The following NCAM1 variants were observed in gnomAD, a reference collection of about 807,000 sequenced individuals.
NCAM1 encodes antigen recognized by monoclonal antibody 5.1H11.
A neutral mutation model predicts 109.8 loss-of-function variants in NCAM1; 14 were observed. The observed-to-expected ratio is 0.13, with a 90% CI of 0.08 to 0.20. The LOEUF (loss-of-function observed/expected upper bound fraction) is 0.20. Ranked by LOEUF, NCAM1 falls within the 10% of genes least tolerant of loss-of-function variation. NCAM1 has a pLI of 1.00. For synonymous variants in NCAM1, 418 were observed against 442.9 expected (o/e 0.94, Z 0.70); for missense variants, 774 against 1,109.9 (o/e 0.70, Z 4.30).
chr11:113,081,661 G>A (rs1176789210), intron 1 of NCAM1, among the ~76,000 whole-genome samples: 1 of 151,894 alleles, frequency 6.6e-6, no homozygotes, highest in Non-Finnish European at 1.5e-5. Flanking sequence ...AGCCTCTCAA[G>A]TAGCTGAGAT....
Position 113,029,280 on chromosome 11 carries a change from T to C in NCAM1, c.52+67616T>C, listed in dbSNP as rs530558003. Among the ~76,000 whole-genome samples the C allele has an allele frequency of 2.9e-4, 44 of 152,222 alleles. No individual in the cohort carries two copies. In the South Asian group the frequency reaches 3.5e-3, roughly 12 times the overall value. On this transcript the variant is annotated intron_variant, in intron 1 of 19. Transcript: ENST00000316851. ...AAGGAGGTGAGGAATTCAGGAAAAA[T>C]CTATCTACAGATAGTGGTGAAATAT...
At chr11:113,199,845 A>C (rs1555111574) in intron 1 of NCAM1, among the ~76,000 whole-genome samples, 2 of 151,398 alleles carry the variant, frequency 1.3e-5, no homozygotes, top group African/African-American at 2.4e-5. Context: ...AAAAAAAAAA[A>C]AAAACTTCTG....
chr11:112,993,855 A>G (rs1951527444), intron 1 of NCAM1, among the ~76,000 whole-genome samples: 1 of 152,124 alleles, frequency 6.6e-6, no homozygotes, highest in African/African-American at 2.4e-5. Flanking sequence ...TTGTCTGCCT[A>G]TGTGACCTTC....
chr11:113,010,539 G>A (rs1488107341), intron 1 of NCAM1, among the ~76,000 whole-genome samples: 1 of 152,094 alleles, frequency 6.6e-6, no homozygotes, highest in African/African-American at 2.4e-5. Context: ...TTCAGCTAAT[G>A]AGCAAACATC....
intron 1 of NCAM1, among the ~76,000 whole-genome samples, chr11:113,083,153 G>GGGGTGTGCTCC (rs1339477733): frequency 1.1e-4 from 17 of 152,000 alleles, no homozygotes; most frequent in Non-Finnish European, 1.9e-4. Flanking sequence ...TCCTGGCCAT[G>GGGGTGTGCTCC]TGGTGGGGTG....
At chr11:113,072,526 G>A (rs146418191) in intron 1 of NCAM1, among the ~76,000 whole-genome samples, 1 of 152,226 alleles carries the variant, frequency 6.6e-6, no homozygotes, top group Non-Finnish European at 1.5e-5. Context: ...GACTGGACCC[G>A]TTTTGTTGAA....
In NCAM1 at chr11:113,032,242, C is replaced by T. The variant is rs572167430; in HGVS notation, c.52+70578C>T. Among the ~76,000 whole-genome samples the T allele has an allele frequency of 2.7e-3, 417 of 152,272 alleles. 1 individual carries two copies. The highest frequency in any genetic ancestry group is 9.6e-3 in the African/African-American group (397 of 41,536). On this transcript the variant is annotated intron_variant, in intron 1 of 19. Coordinates refer to ENST00000316851, the MANE Select transcript of NCAM1 (RefSeq NM_181351.5). ...ATTTGAGTGACTTGCCTAACTTCCA[C>T]GCAGGTAATAGATGGGGAAACTGAT... is the stretch of plus-strand genomic sequence containing the variant.
At chr11:112,964,129 G>GTTTTTTTTTTGTTT (rs782798262) in intron 1 of NCAM1, among the ~76,000 whole-genome samples, 1 of 123,870 alleles carries the variant, frequency 8.1e-6, no homozygotes, top group Non-Finnish European at 1.7e-5. Flanking sequence ...TATATCTGAG[G>GTTTTTTTTTTGTTT]TTTTTTTTTT....
intron 9 of NCAM1, among the ~76,000 whole-genome samples, chr11:113,228,461 G>A (rs544127736): frequency 5.5e-4 from 84 of 152,302 alleles, no homozygotes; most frequent in African/African-American, 2.0e-3. Context: ...AACATTCCAT[G>A]CTCATGGGTA....
rs782389047 is a variant in NCAM1, at chr11:112,981,366, A to G, written c.52+19702A>G. 3.9e-5 allele frequency among the ~76,000 whole-genome samples: 6 copies of G among 151,986 alleles called. No individual in the cohort carries two copies. The South Asian group carries it at 1.2e-3, about 31-fold the overall frequency. On this transcript the variant is annotated intron_variant, in intron 1 of 19. Transcript: ENST00000316851. ...CAAGGCTAAGATGGATTTAAGATGTATTTCTTGTCATGTGAAACGTCCTCC... is the reference window on the plus strand; with the variant it reads ...CAAGGCTAAGATGGATTTAAGATGTGTTTCTTGTCATGTGAAACGTCCTCC...
At chr11:113,111,443 G>A (rs1565442830) in intron 1 of NCAM1, among the ~76,000 whole-genome samples, 1 of 152,176 alleles carries the variant, frequency 6.6e-6, no homozygotes, top group Non-Finnish European at 1.5e-5. Flanking sequence ...GATTCCGTAT[G>A]TATGATGTTT....
At chr11:113,152,470 T>G (rs782366571) in intron 1 of NCAM1, among the ~76,000 whole-genome samples, 3 of 152,266 alleles carry the variant, frequency 2.0e-5, no homozygotes, top group Non-Finnish European at 2.9e-5. Flanking sequence ...ATGTGATGCT[T>G]TAAAAATGCG....
chr11:113,258,506 A>G (rs1228491716), intron 16 of NCAM1, among the ~76,000 whole-genome samples: 1 of 152,234 alleles, frequency 6.6e-6, no homozygotes, highest in Non-Finnish European at 1.5e-5. Flanking sequence ...TCATGAGAGG[A>G]GGAGAAGACA....
At chr11:113,100,236 G>A (rs1315357855) in intron 1 of NCAM1, among the ~76,000 whole-genome samples, 1 of 152,168 alleles carries the variant, frequency 6.6e-6, no homozygotes, top group Non-Finnish European at 1.5e-5. Flanking sequence ...TACAAGGGGT[G>A]TGGTTCAAAC....
chr11:113,266,499 G>A lies in NCAM1; in HGVS notation c.2132-3689G>A, dbSNP rs187443794. Among the ~76,000 whole-genome samples the A allele has an allele frequency of 2.0e-5, 3 of 152,256 alleles. No individual in the cohort carries two copies. In the East Asian group the frequency reaches 5.8e-4, roughly 29 times the overall value. ...TGGGTGAGACAGCACAGTGCACCCTGGGGTGGCAAATCATGGGATCACGTG... is the reference window on the plus strand; with the variant it reads ...TGGGTGAGACAGCACAGTGCACCCTAGGGTGGCAAATCATGGGATCACGTG... On this transcript the variant is annotated intron_variant, in intron 17 of 19. Transcript: ENST00000316851.
intron 1 of NCAM1, among the ~76,000 whole-genome samples, chr11:113,007,550 A>G (rs1951922144): frequency 1.3e-5 from 2 of 152,244 alleles, no homozygotes; most frequent in Non-Finnish European, 2.9e-5. Context: ...GCCATATTTT[A>G]CTGATTCTAA....
At chr11:113,257,935 TC>T (rs1313249357) in intron 16 of NCAM1, among the ~76,000 whole-genome samples, 1 of 152,224 alleles carries the variant, frequency 6.6e-6, no homozygotes, top group African/African-American at 2.4e-5. Flanking sequence ...GAATTCCCCT[TC>T]CAGCACCACT....
intron 1 of NCAM1, among the ~76,000 whole-genome samples, chr11:113,015,603 A>T (rs1463109333): frequency 6.6e-6 from 1 of 151,856 alleles, no homozygotes; most frequent in African/African-American, 2.4e-5. Context: ...AGGCATGGTC[A>T]TGGGTACCTG....
At chr11:113,100,538 T>G (rs1222428563) in intron 1 of NCAM1, among the ~76,000 whole-genome samples, 1 of 152,036 alleles carries the variant, frequency 6.6e-6, no homozygotes, top group Non-Finnish European at 1.5e-5. Context: ...TGGAGGTGGC[T>G]CTCAGTGGGA....
Sources: allele counts gnomAD v4.1 joint callset (sites outside exome capture counted in the v4.1 genomes callset), GRCh38; gene constraint gnomAD v4.1.1; transcripts MANE v1.5; gene names NCBI Gene and HGNC (gene_info 2026-07-23, HGNC 2026-07-21).